CHST8: variants seen among roughly 807,000 people sequenced by gnomAD.
CHST8 encodes the protein GALNAC-4-ST1.
In CHST8, 10 loss-of-function variants were observed where a neutral mutation model predicts 15.0. The ratio of observed to expected loss-of-function variants is 0.67; its 90% CI spans 0.41 to 1.13. The LOEUF (loss-of-function observed/expected upper bound fraction) is 1.13. CHST8 is among the 50% of genes most tolerant of loss of function. The pLI, the probability that CHST8 is intolerant of heterozygous loss-of-function variation, is 0.00. For synonymous variants in CHST8, 259 were observed against 256.6 expected, an observed-to-expected ratio of 1.01 and a Z score of -0.09; for missense variants, 634 against 608.2, an observed-to-expected ratio of 1.04 and a Z score of -0.45.
chr19:33,757,496 A>G lies in CHST8; in HGVS notation c.131-13917A>G, dbSNP rs1299601691. ...AAAGAAAGAAAGAAAGAAAGAAAGA[A>G]AGAAAGAAAGAAAGAAAGAAAGAAA... On this transcript the variant is annotated intron_variant, in intron 3 of 4. Transcript: ENST00000650847. 1.3e-4 allele frequency among the ~76,000 whole-genome samples: 7 copies of G among 52,982 alleles called. 1 individual carries two copies. The highest frequency in any genetic ancestry group is 3.8e-4 in the East Asian group (1 of 2,598). The allele number at this position is 52,982 out of a possible 152,430, so 34.8% of individuals were successfully genotyped here.
intron 3 of CHST8, among the ~76,000 whole-genome samples, chr19:33,756,197 C>A (rs117551416): frequency 6.6e-6 from 1 of 152,176 alleles, no homozygotes; most frequent in Non-Finnish European, 1.5e-5. Flanking sequence ...ATTCCAGGTG[C>A]GCATGAAGAT....
At chr19:33,715,168 C>T (rs573353131) in intron 3 of CHST8, among the ~76,000 whole-genome samples, 15 of 152,366 alleles carry the variant, frequency 9.8e-5, no homozygotes, top group African/African-American at 3.4e-4. Context: ...TCACCCTGTG[C>T]CCTGGTCCTC....
intron 2 of CHST8, among the ~76,000 whole-genome samples, chr19:33,676,237 G>A (rs1472326664): frequency 1.3e-5 from 2 of 152,146 alleles, no homozygotes; most frequent in African/African-American, 4.8e-5. Context: ...AGGTCTAAAG[G>A]TCTGCATTGC....
At chr19:33,669,621 A>G (rs527613142) in intron 2 of CHST8, among the ~76,000 whole-genome samples, 12 of 152,324 alleles carry the variant, frequency 7.9e-5, no homozygotes, top group African/African-American at 2.9e-4. Context: ...GCAGTCCTGG[A>G]GGAGACAAAT....
At chr19:33,751,699 A>G (rs59191555) in intron 3 of CHST8, among the ~76,000 whole-genome samples, 15,018 of 152,128 alleles carry the variant, frequency 0.099, 897 homozygotes, top group Admixed American at 0.12. Context: ...TGGACCCACC[A>G]CTCTGCCAGC....
rs1974993486 is a variant in CHST8 at position 33,771,987 on chromosome 19, G to A, written c.199G>A (p.Asp67Asn). The A allele has an allele frequency of 6.3e-7, 1 of 1,583,278 alleles. No homozygotes were observed. The highest frequency in any genetic ancestry group is 8.6e-7 in the Non-Finnish European group (1 of 1,167,930). ...DLPPGGSQDG[D>N]LKEPTERVTR... ...CCCACCAGGCGGCTCCCAGGATGGT[G>A]ACTTGAAGGAACCCACAGAGAGGGT... Residue 67 changes from aspartate (D) to asparagine (N), a missense_variant, in exon 5 of 5, where the codon GAC (aspartate) becomes AAC (asparagine). By Grantham distance (23) the Asp-to-Asn change is conservative. Coordinates refer to ENST00000650847, the MANE Select transcript of CHST8 (RefSeq NM_001127895.2).
intron 3 of CHST8, among the ~76,000 whole-genome samples, chr19:33,716,766 C>T (rs73033201): frequency 0.025 from 3,855 of 152,222 alleles, 72 homozygotes; most frequent in Admixed American, 0.044. Flanking sequence ...CATTAGTTGG[C>T]TAGGGTTGCT....
At chr19:33,707,752 A>G (rs1056747717) in intron 3 of CHST8, among the ~76,000 whole-genome samples, 2 of 152,100 alleles carry the variant, frequency 1.3e-5, no homozygotes, top group East Asian at 1.9e-4. Context: ...CTATGTTTTC[A>G]TTTTTCTTGG....
intron 3 of CHST8, among the ~76,000 whole-genome samples, chr19:33,757,526 A>AGAC (rs1568358815): frequency 5.7e-5 from 1 of 17,656 alleles, no homozygotes; most frequent in Non-Finnish European, 1.1e-4. Flanking sequence ...AAGAAAGAGA[A>AGAC]AGAAAGAAAG....
At chr19:33,690,760 A>C (rs1973086496) in intron 3 of CHST8, among the ~76,000 whole-genome samples, 1 of 152,254 alleles carries the variant, frequency 6.6e-6, no homozygotes. Flanking sequence ...TTGCAGCCTC[A>C]CATGAGCCCC....
chr19:33,762,901 G>T (rs561015791), intron 3 of CHST8, among the ~76,000 whole-genome samples: 1 of 146,180 alleles, frequency 6.8e-6, no homozygotes, highest in Non-Finnish European at 1.5e-5. Context: ...TTGCTCTGTC[G>T]CCCAGGCTGG....
In CHST8 at chr19:33,765,799, G is replaced by A. The variant is rs1219693164; in HGVS notation, c.131-5614G>A. Among the ~76,000 whole-genome samples, 4 of 151,964 alleles carry A rather than the reference G, an allele frequency of 2.6e-5. No individual in the cohort carries two copies. The East Asian group carries it at 5.8e-4, about 22-fold the overall frequency. ...TGGTCTTGATCTCTTGTGGTCTCGC[G>A]ATCCACCTGCCGTAGCCTCCAAAGT... On this transcript the variant is annotated intron_variant, in intron 3 of 4. Coordinates refer to ENST00000650847, the MANE Select transcript of CHST8 (RefSeq NM_001127895.2).
chr19:33,679,638 C>A (rs989644990), intron 2 of CHST8, among the ~76,000 whole-genome samples: 1 of 152,194 alleles, frequency 6.6e-6, no homozygotes, highest in Non-Finnish European at 1.5e-5. Context: ...ACAGTCTGAT[C>A]TAAGCTTTTG....
At chr19:33,636,325 A>T (rs1268287730) in intron 1 of CHST8, among the ~76,000 whole-genome samples, 2 of 152,146 alleles carry the variant, frequency 1.3e-5, no homozygotes, top group African/African-American at 4.8e-5. Flanking sequence ...TTCTCTTAGG[A>T]TGTGGAATAT....
At chr19:33,696,030 T>C (rs1973211590) in intron 3 of CHST8, among the ~76,000 whole-genome samples, 1 of 151,962 alleles carries the variant, frequency 6.6e-6, no homozygotes. Flanking sequence ...TTCACCATGT[T>C]GGCCAGGCTG....
chr19:33,752,847 C>A (rs1456345443), intron 3 of CHST8, among the ~76,000 whole-genome samples: 1 of 152,194 alleles, frequency 6.6e-6, no homozygotes, highest in Non-Finnish European at 1.5e-5. Flanking sequence ...TCCTTATCTG[C>A]CTGGAATTAG....
At chr19:33,727,977 G>A (rs1973933342) in intron 3 of CHST8, among the ~76,000 whole-genome samples, 1 of 152,270 alleles carries the variant, frequency 6.6e-6, no homozygotes, top group Non-Finnish European at 1.5e-5. Flanking sequence ...CAGGCTGCGG[G>A]CAGCTGAGGC....
intron 1 of CHST8, among the ~76,000 whole-genome samples, chr19:33,661,238 GGAA>G (rs1482460611): frequency 6.6e-6 from 1 of 152,180 alleles, no homozygotes; most frequent in Non-Finnish European, 1.5e-5. Context: ...CCCTTTCCTG[GGAA>G]GAAGGAGAGC....
chr19:33,750,194 G>C (rs1017538834), intron 3 of CHST8, among the ~76,000 whole-genome samples: 1 of 152,218 alleles, frequency 6.6e-6, no homozygotes, highest in African/African-American at 2.4e-5. Context: ...GGGTCATCAA[G>C]TGCTAGTTAA....
Sources: gnomAD v4.1 joint callset for allele counts (sites outside exome capture counted in the v4.1 genomes callset) on GRCh38, gnomAD v4.1.1 for gene constraint, MANE v1.5 for transcripts, NCBI Gene and HGNC (gene_info 2026-07-23, HGNC 2026-07-21) for gene names.